The following MAPK6 variants were observed in gnomAD, a reference collection of about 807,000 sequenced individuals.
The protein encoded by MAPK6 is ERK-3.
In MAPK6, 19 loss-of-function variants were observed where a neutral mutation model predicts 59.3. The ratio of observed to expected loss-of-function variants is 0.32; its 90% CI spans 0.22 to 0.47. The LOEUF is 0.47. MAPK6 is among the 20% of genes least tolerant of loss of function. The probability of loss-of-function intolerance (pLI) is 1.00; values close to 1 mark genes in which losing one functional copy is unlikely to be tolerated. For synonymous variants in MAPK6, 316 were observed against 290.3 expected (o/e 1.09, Z -0.90); for missense variants, 724 against 847.9 (o/e 0.85, Z 1.81).
intron 2 of MAPK6, among the ~76,000 whole-genome samples, chr15:51,983,716 A>T (rs1310531952): frequency 6.6e-6 from 1 of 152,040 alleles, no homozygotes; most frequent in Admixed American, 6.6e-5. Context: ...TTGAGGTGGG[A>T]GGATCACTTG....
chr15:52,021,033 A>G (rs1413763340), intron 1 of MAPK6, among the ~76,000 whole-genome samples: 1 of 152,200 alleles, frequency 6.6e-6, no homozygotes, highest in African/African-American at 2.4e-5. Flanking sequence ...ATATTCTGGA[A>G]TTCATTTATT....
intron 1 of MAPK6, among the ~76,000 whole-genome samples, chr15:52,036,926 T>G (rs1057333239): frequency 1.3e-5 from 2 of 151,970 alleles, no homozygotes; most frequent in Admixed American, 6.6e-5. Context: ...CTTGTAAGCC[T>G]TCTTCAGTTT....
rs562580353 is a variant in MAPK6 at position 52,022,241 on chromosome 15, G to C, written c.-632+2865G>C. ...ACTGTTTATTTTTCCAAAGGGATTT[G>C]AGGAGTTTGTGGACAGTAAAGTGTT... On this transcript the variant is annotated intron_variant, in intron 1 of 5. Transcript: ENST00000261845. 4.3e-3 allele frequency among the ~76,000 whole-genome samples: 655 copies of C among 152,272 alleles called. 2 individuals carry two copies. Among genetic ancestry groups the C allele is most frequent in the Middle Eastern group, 0.014 (4 of 294 alleles).
intron 1 of MAPK6, 48 bp from the exon 2 acceptor site, chr15:52,045,782 A>G (rs1438371618): frequency 1.3e-5 from 2 of 152,670 alleles, no homozygotes; most frequent in Non-Finnish European, 2.9e-5. Flanking sequence ...TTTGAAGAAA[A>G]GAGTATTTCC....
intron 1 of MAPK6, chr15:51,971,937 G>C (rs1320696974): frequency 6.6e-6 from 4 of 602,978 alleles, no homozygotes; most frequent in African/African-American, 5.6e-5. Flanking sequence ...CGGCCATTTC[G>C]TCAATATCTG....
intron 5 of MAPK6, among the ~76,000 whole-genome samples, chr15:52,063,328 T>A (rs1169942185): frequency 6.6e-6 from 1 of 152,244 alleles, no homozygotes; most frequent in Non-Finnish European, 1.5e-5. Context: ...CTTCTTGAAG[T>A]GCTAGCATTG....
At chr15:51,980,154 G>A (rs1389225533) in intron 1 of MAPK6, among the ~76,000 whole-genome samples, 1 of 151,440 alleles carries the variant, frequency 6.6e-6, no homozygotes, top group South Asian at 2.1e-4. Flanking sequence ...AATTAGCCGG[G>A]CGTGGTGGCG....
At chr15:52,027,420 C>T (rs1456230328) in intron 1 of MAPK6, among the ~76,000 whole-genome samples, 2 of 148,274 alleles carry the variant, frequency 1.3e-5, no homozygotes, top group Non-Finnish European at 3.0e-5. Flanking sequence ...TACCTACCCT[C>T]CCCCTCCTGC....
At chr15:52,052,077 T>G (rs578196458) in intron 3 of MAPK6, among the ~76,000 whole-genome samples, 35 of 152,338 alleles carry the variant, frequency 2.3e-4, no homozygotes, top group African/African-American at 7.7e-4. Context: ...CAAAACTTAG[T>G]AGCTTAAACA....
chr15:52,063,312 C>G (rs2032278696), intron 5 of MAPK6, among the ~76,000 whole-genome samples: 1 of 152,236 alleles, frequency 6.6e-6, no homozygotes, highest in Non-Finnish European at 1.5e-5. Context: ...ATCCATCCAC[C>G]TTGGCCTTCT....
chr15:52,036,701 A>G (rs988871441), intron 1 of MAPK6, among the ~76,000 whole-genome samples: 2 of 152,218 alleles, frequency 1.3e-5, no homozygotes, highest in African/African-American at 4.8e-5. Context: ...AGTAGGGCCA[A>G]ATTCTTGTAT....
At chr15:52,022,275 T>C (rs1165992084) in intron 1 of MAPK6, among the ~76,000 whole-genome samples, 1 of 152,220 alleles carries the variant, frequency 6.6e-6, no homozygotes, top group Non-Finnish European at 1.5e-5. Flanking sequence ...TTTGTTGTTT[T>C]TGTGAGACAG....
chr15:51,989,040 C>G (rs2057200126), intron 2 of MAPK6, among the ~76,000 whole-genome samples: 1 of 151,664 alleles, frequency 6.6e-6, no homozygotes, highest in South Asian at 2.1e-4. Context: ...TAGGGCCCAC[C>G]AAATAATACA....
At chr15:52,007,362 T>A (rs965033864) in intron 3 of MAPK6, among the ~76,000 whole-genome samples, 12 of 152,148 alleles carry the variant, frequency 7.9e-5, no homozygotes, top group Admixed American at 2.0e-4. Flanking sequence ...GGCTACATAA[T>A]TTCTGGGGCC....
intron 1 of MAPK6, among the ~76,000 whole-genome samples, chr15:51,979,206 AAGAAG>A: frequency 7.2e-6 from 1 of 138,246 alleles, no homozygotes; most frequent in East Asian, 2.1e-4. Flanking sequence ...GAAAGAAGGA[AAGAAG>A]AAAGAAAAAA....
At chr15:52,023,248 G>C (rs2030617113) in intron 1 of MAPK6, among the ~76,000 whole-genome samples, 1 of 151,610 alleles carries the variant, frequency 6.6e-6, no homozygotes, top group Admixed American at 6.6e-5. Flanking sequence ...TTTGAACCTT[G>C]TGTTACTCTA....
intron 4 of MAPK6, among the ~76,000 whole-genome samples, chr15:52,060,047 A>AC (rs1040431315): frequency 1.1e-4 from 16 of 151,966 alleles, no homozygotes; most frequent in Non-Finnish European, 1.9e-4. Flanking sequence ...CTCTATACTT[A>AC]CCTCTCATCC....
rs1247415711 is a variant in MAPK6 at position 52,066,784 on chromosome 15, G to C, written c.*1784G>C. 7.2e-6 allele frequency: 1 copy of C among 138,000 alleles called. No homozygotes were observed. Among genetic ancestry groups the C allele is most frequent in the African/African-American group, 2.7e-5 (1 of 36,390 alleles). 8.5% of individuals were successfully genotyped at this position (138,000 alleles called of 1,614,324 possible). A position where few individuals can be genotyped will look rare whatever the true frequency, so the allele number is the denominator to read the frequency against. The stretch of plus-strand genomic sequence containing the variant: ...TACACGTGTGTGTGTGTGTGTGTGT[G>C]TGTGTGTGTATATATATTCATTTAT... On this transcript the variant is annotated 3_prime_UTR_variant, in exon 6 of 6. Coordinates refer to ENST00000261845, the MANE Select transcript of MAPK6 (RefSeq NM_002748.4).
At chr15:51,977,443 A>G (rs1156265299) in intron 1 of MAPK6, among the ~76,000 whole-genome samples, 1 of 151,924 alleles carries the variant, frequency 6.6e-6, no homozygotes, top group Non-Finnish European at 1.5e-5. Context: ...AGGAGGCCAC[A>G]CAGGGAGACC....
Sources: gnomAD v4.1 joint callset for allele counts (sites outside exome capture counted in the v4.1 genomes callset) on GRCh38, gnomAD v4.1.1 for gene constraint, MANE v1.5 for transcripts, NCBI Gene and HGNC (gene_info 2026-07-23, HGNC 2026-07-21) for gene names.